Variants in TP63 observed in about 807,000 individuals in gnomAD.
The protein encoded by TP63 is tumor protein p63, also known as tumor protein 63.
In TP63, 17 loss-of-function variants were observed where a neutral mutation model predicts 82.8. The ratio of observed to expected loss-of-function variants is 0.21; its 90% CI spans 0.14 to 0.31. The LOEUF (loss-of-function observed/expected upper bound fraction) is 0.31. Among genes scored for constraint, TP63 ranks in the 10% least tolerant of loss-of-function variants. The pLI is 1.00. For missense variants in TP63, 648 were observed against 895.3 expected, an observed-to-expected ratio of 0.72 and a Z score of 3.52; for synonymous variants, 330 against 321.7, an observed-to-expected ratio of 1.03 and a Z score of -0.28.
At chr3:189,643,468 C>T (rs1185832195) in intron 1 of TP63, among the ~76,000 whole-genome samples, 1 of 121,808 alleles carries the variant, frequency 8.2e-6, no homozygotes, top group Non-Finnish European at 1.8e-5. Context: ...AAAAAAAAAA[C>T]CCTCAATGCT....
chr3:189,653,264 G>A (rs1268482302), intron 1 of TP63, among the ~76,000 whole-genome samples: 1 of 152,188 alleles, frequency 6.6e-6, no homozygotes, highest in Admixed American at 6.5e-5. Context: ...CCTAGAGTCA[G>A]GATATCTCTT....
At chr3:189,855,151 C>T (rs953537843) in intron 4 of TP63, among the ~76,000 whole-genome samples, 2 of 152,074 alleles carry the variant, frequency 1.3e-5, no homozygotes, top group African/African-American at 2.4e-5. Context: ...TAAGACTTAA[C>T]GTGTTTCTGG....
intron 4 of TP63, among the ~76,000 whole-genome samples, chr3:189,816,215 A>G (rs1021177495): frequency 1.9e-4 from 29 of 152,176 alleles, no homozygotes; most frequent in Non-Finnish European, 3.7e-4. Context: ...TGAAGTATAA[A>G]GAGAAAATAA....
At chr3:189,680,679 C>G (rs765594651) in intron 1 of TP63, among the ~76,000 whole-genome samples, 1 of 152,164 alleles carries the variant, frequency 6.6e-6, no homozygotes, top group Non-Finnish European at 1.5e-5. Flanking sequence ...TCCACAAGGA[C>G]AGGCCTGTAT....
At chr3:189,721,892 A>G (rs185601141) in intron 1 of TP63, among the ~76,000 whole-genome samples, 22 of 152,364 alleles carry the variant, frequency 1.4e-4, no homozygotes, top group African/African-American at 5.3e-4. Context: ...GGTAGTGCCC[A>G]GGCATCTGTA....
intron 4 of TP63, among the ~76,000 whole-genome samples, chr3:189,815,868 G>T (rs1728128904): frequency 6.6e-6 from 1 of 152,088 alleles, no homozygotes; most frequent in Non-Finnish European, 1.5e-5. Context: ...ATCTCTTGCT[G>T]CATTTAACTA....
chr3:189,646,316 G>T (rs1477352402), intron 1 of TP63, among the ~76,000 whole-genome samples: 1 of 146,804 alleles, frequency 6.8e-6, no homozygotes, highest in Non-Finnish European at 1.5e-5. Context: ...TTCTCTGTAG[G>T]TGTAGGGTAT....
chr3:189,605,275 T>A, the TP63 span, among the ~76,000 whole-genome samples: 1 of 152,250 alleles, frequency 6.6e-6, no homozygotes, highest in Non-Finnish European at 1.5e-5. Flanking sequence ...GTTTTATTTA[T>A]CTTTAACAAG....
chr3:189,880,229 G>A (rs968936499), intron 10 of TP63: 1 of 1,590,540 alleles, frequency 6.3e-7, no homozygotes, highest in Non-Finnish European at 8.6e-7. Flanking sequence ...ATGTGTATAT[G>A]TGAGTGTGTG....
At chr3:189,622,764 G>C in the TP63 span, among the ~76,000 whole-genome samples, 1 of 152,150 alleles carries the variant, frequency 6.6e-6, no homozygotes, top group African/African-American at 2.4e-5. Flanking sequence ...TCGTGTGATT[G>C]TAAGTTTGTT....
intron 3 of TP63, among the ~76,000 whole-genome samples, chr3:189,779,987 A>C (rs560548628): frequency 6.6e-6 from 1 of 152,348 alleles, no homozygotes; most frequent in African/African-American, 2.4e-5. Context: ...TCAGATCAAC[A>C]GTAATATAGG....
chr3:189,870,130 C>G (rs1036824433), intron 9 of TP63, among the ~76,000 whole-genome samples: 1 of 151,882 alleles, frequency 6.6e-6, no homozygotes, highest in Non-Finnish European at 1.5e-5. Context: ...AAATTTAGGC[C>G]GAAAATGTTG....
chr3:189,861,667 A>C (rs1259169795), intron 4 of TP63, among the ~76,000 whole-genome samples: 2 of 152,228 alleles, frequency 1.3e-5, no homozygotes, highest in Non-Finnish European at 2.9e-5. Context: ...TAATAAAACT[A>C]TGTTAAATAG....
intron 1 of TP63, among the ~76,000 whole-genome samples, chr3:189,637,432 C>T (rs1296202455): frequency 3.3e-5 from 5 of 152,064 alleles, no homozygotes; most frequent in South Asian, 2.1e-4. Context: ...TATCAACTTT[C>T]GGAAGAAAGA....
At chr3:189,752,506 C>G (rs1357764516) in intron 3 of TP63, among the ~76,000 whole-genome samples, 2 of 152,152 alleles carry the variant, frequency 1.3e-5, no homozygotes, top group Non-Finnish European at 2.9e-5. Flanking sequence ...TAAGTGGAAT[C>G]TGTAATGATA....
chr3:189,881,183 C>T (rs1719874676), intron 10 of TP63: 5 of 977,734 alleles, frequency 5.1e-6, no homozygotes, highest in Non-Finnish European at 6.1e-6. Context: ...AGGAGACTTA[C>T]GTTTTGAGTA....
rs1208960727 is a variant in TP63 at position 189,833,024 on chromosome 3, A to ATCTT, written c.579+24499_579+24502dup. Among the ~76,000 whole-genome samples the ATCTT allele has an allele frequency of 2.0e-5, 3 of 152,244 alleles. No individual in the cohort carries two copies. The East Asian group carries it at 5.8e-4, about 29-fold the overall frequency. ...AGAGCAGAGGCAAAGGTGAGACTGG[A>ATCTT]TCTTCCCTTGTATCTTATTGATAGA... On this transcript the variant is annotated intron_variant, in intron 4 of 13. Coordinates refer to ENST00000264731, the MANE Select transcript of TP63 (RefSeq NM_003722.5).
In TP63 at chr3:189,631,457, T is replaced by C. The variant is rs1413551916; in HGVS notation, c.-59T>C. ...CTTTATATCTATATATACACAGGTA[T>C]ATGTGTATATTTTATATAATTGTTC... On this transcript the variant is annotated 5_prime_UTR_variant, in exon 1 of 14. Coordinates refer to ENST00000264731, the MANE Select transcript of TP63 (RefSeq NM_003722.5). The C allele has an allele frequency of 6.2e-7, 1 of 1,608,800 alleles. No individual in the cohort carries two copies. Among genetic ancestry groups the C allele is most frequent in the Non-Finnish European group, 8.5e-7 (1 of 1,176,712 alleles).
At chr3:189,812,402 G>T (rs879387239) in intron 4 of TP63, among the ~76,000 whole-genome samples, 2 of 152,088 alleles carry the variant, frequency 1.3e-5, no homozygotes, top group African/African-American at 2.4e-5. Flanking sequence ...GTTTACTTTA[G>T]TTTCAGATTT....
Sources: gnomAD v4.1 joint callset for allele counts (sites outside exome capture counted in the v4.1 genomes callset) on GRCh38, gnomAD v4.1.1 for gene constraint, MANE v1.5 for transcripts, NCBI Gene and HGNC (gene_info 2026-07-23, HGNC 2026-07-21) for gene names.